LAMC1: variants seen among roughly 807,000 people sequenced by gnomAD.
LAMC1 encodes laminin subunit gamma 1, also known as laminin subunit gamma-1.
A neutral mutation model predicts 173.6 loss-of-function variants in LAMC1; 38 were observed. The observed-to-expected ratio is 0.22, with a 90% CI of 0.17 to 0.29. The LOEUF is 0.29. Among genes scored for constraint, LAMC1 ranks in the 10% least tolerant of loss-of-function variants. The pLI is 1.00. For synonymous variants in LAMC1, 746 were observed against 749.1 expected (o/e 1.00, Z 0.07); for missense variants, 1,824 against 2,051.8 (o/e 0.89, Z 2.14).
chr1:183,092,161 C>G (rs1364409989), intron 1 of LAMC1, among the ~76,000 whole-genome samples: 1 of 152,124 alleles, frequency 6.6e-6, no homozygotes, highest in African/African-American at 2.4e-5. Flanking sequence ...GGTTTATTGT[C>G]TATGCCTACA....
At position 183,145,534 on chromosome 1, in the gene LAMC1, A is replaced by G. The variant is rs916683679; in HGVS notation, c.*2744A>G. ...ATAAAATGCAACACTTGGCATTTTT[A>G]TGTTTTAAGAAAAACAGTATTTTAT... On this transcript the variant is annotated 3_prime_UTR_variant, in exon 28 of 28. Coordinates refer to ENST00000258341, the MANE Select transcript of LAMC1 (RefSeq NM_002293.4). The G allele has an allele frequency of 1.4e-4, 22 of 152,548 alleles. No individual in the cohort carries two copies. The highest frequency in any genetic ancestry group is 3.9e-4 in the Admixed American group (6 of 15,258). 9.4% of individuals were successfully genotyped at this position (152,548 alleles called of 1,614,324 possible).
At chr1:183,101,479 T>G (rs1477884210) in intron 1 of LAMC1, among the ~76,000 whole-genome samples, 2 of 151,400 alleles carry the variant, frequency 1.3e-5, no homozygotes, top group Non-Finnish European at 2.9e-5. Flanking sequence ...TATAGTATCC[T>G]TTAGTAACTG....
chr1:183,142,401 C>A, intron 27 of LAMC1, 133 bp from the exon 28 acceptor site: 1 of 874,806 alleles, frequency 1.1e-6, no homozygotes, highest in Non-Finnish European at 1.7e-6. Flanking sequence ...CATCAACAAT[C>A]TGCAAGTCAC....
At chr1:183,103,232 T>C in intron 1 of LAMC1, 96 bp from the exon 2 acceptor site, 1 of 1,159,430 alleles carries the variant, frequency 8.6e-7, no homozygotes, top group Non-Finnish European at 1.2e-6. Flanking sequence ...CAAGGAGATT[T>C]ATATCCTTTG....
rs896091162 is a variant in LAMC1 at position 183,143,035 on chromosome 1, T to G, written c.*245T>G. On this transcript the variant is annotated 3_prime_UTR_variant, in exon 28 of 28. Coordinates refer to ENST00000258341, the MANE Select transcript of LAMC1 (RefSeq NM_002293.4). Reference sequence around the variant, plus strand: ...TCACGTTGCTACCTTACCCACACTTTCCCTTCTGATTTGCGTGAGGACGTG... The same window carrying G: ...TCACGTTGCTACCTTACCCACACTTGCCCTTCTGATTTGCGTGAGGACGTG... The G allele has an allele frequency of 4.8e-5, 21 of 438,242 alleles. No homozygotes were observed. The East Asian group carries it at 7.3e-4, about 15-fold the overall frequency. 27.1% of individuals were successfully genotyped at this position (438,242 alleles called of 1,614,324 possible).
At chr1:183,076,216 G>A (rs1401637332) in intron 1 of LAMC1, among the ~76,000 whole-genome samples, 1 of 152,164 alleles carries the variant, frequency 6.6e-6, no homozygotes, top group Non-Finnish European at 1.5e-5. Context: ...TGGATATGAA[G>A]AATCCCATCA....
At chr1:183,093,145 C>CT (rs1449626734) in intron 1 of LAMC1, among the ~76,000 whole-genome samples, 6 of 152,116 alleles carry the variant, frequency 3.9e-5, no homozygotes, top group African/African-American at 1.4e-4. Flanking sequence ...TCCCCTGTCT[C>CT]TAACAGAAAA....
Position 183,122,002 on chromosome 1 carries a change from G to C in LAMC1, c.2212+58G>C, listed in dbSNP as rs1365981994. The stretch of plus-strand genomic sequence containing the variant: ...CTTCTCTTTAGCAATTGTGTAGAAA[G>C]TGCTCATTGTCTTATATACTTGTAC... On this transcript the variant is annotated intron_variant, in intron 12 of 27. Coordinates refer to ENST00000258341, the MANE Select transcript of LAMC1 (RefSeq NM_002293.4). The C allele has an allele frequency of 4.4e-6, 7 of 1,606,670 alleles. No individual in the cohort carries two copies. The African/African-American group carries it at 6.7e-5, about 15-fold the overall frequency.
intron 1 of LAMC1, among the ~76,000 whole-genome samples, chr1:183,057,779 A>G (rs1571413704): frequency 6.6e-6 from 1 of 152,154 alleles, no homozygotes; most frequent in Non-Finnish European, 1.5e-5. Context: ...ACAGCTGTCA[A>G]ACTGTAGCCT....
intron 3 of LAMC1, among the ~76,000 whole-genome samples, chr1:183,110,242 T>C (rs970505816): frequency 1.3e-5 from 2 of 152,190 alleles, no homozygotes; most frequent in Non-Finnish European, 2.9e-5. Context: ...ATCCTACAGG[T>C]AGCCTCAGAA....
intron 1 of LAMC1, among the ~76,000 whole-genome samples, chr1:183,064,316 T>TA (rs1427181733): frequency 1.3e-5 from 2 of 152,200 alleles, no homozygotes; most frequent in Non-Finnish European, 2.9e-5. Flanking sequence ...GCCTACTACA[T>TA]ACCTAGGCCA....
chr1:183,034,551 G>A (rs185319686), intron 1 of LAMC1, among the ~76,000 whole-genome samples: 1 of 152,324 alleles, frequency 6.6e-6, no homozygotes, highest in East Asian at 1.9e-4. Flanking sequence ...GATTACAGGC[G>A]TGAGCCACCG....
At chr1:183,081,580 A>G (rs1558041924) in intron 1 of LAMC1, among the ~76,000 whole-genome samples, 1 of 151,236 alleles carries the variant, frequency 6.6e-6, no homozygotes, top group Non-Finnish European at 1.5e-5. Flanking sequence ...AAATAAATAA[A>G]TAAATAAATA....
intron 1 of LAMC1, among the ~76,000 whole-genome samples, chr1:183,050,605 C>T (rs190783312): frequency 7.3e-6 from 1 of 137,210 alleles, no homozygotes; most frequent in African/African-American, 2.6e-5. Context: ...AAGATAGAAT[C>T]ACTGGGCCAG....
intron 3 of LAMC1, among the ~76,000 whole-genome samples, chr1:183,109,408 T>C (rs917224380): frequency 6.6e-6 from 1 of 152,192 alleles, no homozygotes; most frequent in Non-Finnish European, 1.5e-5. Context: ...GGCAGCAGAA[T>C]GGAAAGGAAC....
chr1:183,111,775 C>T (rs537944288), intron 4 of LAMC1, among the ~76,000 whole-genome samples: 42 of 129,214 alleles, frequency 3.3e-4, no homozygotes, highest in African/African-American at 1.1e-3. Flanking sequence ...GTGGCTAACG[C>T]CTGTAATCTC....
chr1:183,024,073 A>G lies in LAMC1; in HGVS notation c.357A>G (p.Gln119=), dbSNP rs1653613425. The G allele has an allele frequency of 6.2e-7, 1 of 1,611,468 alleles. No homozygotes were observed. The highest frequency in any genetic ancestry group is 1.3e-5 in the African/African-American group (1 of 75,020). ...YNNQADTTWW[Q]SQTMLAGVQY... is the part of the protein sequence containing the mutation. The stretch of plus-strand genomic sequence containing the variant: ...ACCAGGCCGACACCACCTGGTGGCA[A>G]AGCCAGACCATGCTGGCCGGGGTGC... Residue 119 remains glutamine (Q), a synonymous_variant, in exon 1 of 28, where the codon CAA becomes CAG. Coordinates refer to ENST00000258341, the MANE Select transcript of LAMC1 (RefSeq NM_002293.4).
At chr1:183,083,606 C>T (rs1558042558) in intron 1 of LAMC1, among the ~76,000 whole-genome samples, 3 of 152,066 alleles carry the variant, frequency 2.0e-5, no homozygotes, top group South Asian at 4.1e-4. Context: ...TATCATTTTT[C>T]CTTTTAGAAG....
In LAMC1 at chr1:183,135,112, G is replaced by A. The variant is rs769892912; in HGVS notation, c.4070G>A (p.Arg1357Gln). The change falls in exon 24 of 28, where the codon CGG (arginine) becomes CAG (glutamine). Residue 1357 changes from arginine to glutamine, a missense_variant. Transcript: ENST00000258341. ...GCTGAAGAAGCTGCAAAGAAGGGACGGGATACCTTACAAGAAGCTAATGAC... is the reference window on the plus strand; with the variant it reads ...GCTGAAGAAGCTGCAAAGAAGGGACAGGATACCTTACAAGAAGCTAATGAC... ...ALAEEAAKKG[R>Q]DTLQEANDIL... 168 of 1,613,850 alleles carry A rather than the reference G, an allele frequency of 1.0e-4. No homozygotes were observed. Among genetic ancestry groups the A allele is most frequent in the Non-Finnish European group, 1.4e-4 (162 of 1,179,888 alleles).
Sources: allele counts gnomAD v4.1 joint callset (sites outside exome capture counted in the v4.1 genomes callset), GRCh38; gene constraint gnomAD v4.1.1; transcripts MANE v1.5; gene names NCBI Gene and HGNC (gene_info 2026-07-23, HGNC 2026-07-21).